The following PAH variants were observed in gnomAD, a reference collection of about 807,000 sequenced individuals.
PAH encodes the protein phenylalanine hydroxylase, also known as phenylalanine-4-hydroxylase.
A neutral mutation model predicts 62.0 loss-of-function variants in PAH; 64 were observed. The observed-to-expected ratio is 1.03, with a 90% CI of 0.84 to 1.27. The LOEUF (loss-of-function observed/expected upper bound fraction) is 1.27, where lower values mean the gene tolerates loss of function less well. Ranked by LOEUF, PAH falls within the 50% of genes most tolerant of loss-of-function variation. The probability of loss-of-function intolerance (pLI) is 0.00; values close to 1 mark genes in which losing one functional copy is unlikely to be tolerated. For missense variants in PAH, 579 were observed against 542.8 expected (o/e 1.07, Z -0.66); for synonymous variants, 195 against 196.2 (o/e 0.99, Z 0.05).
At chr12:102,891,215 T>C (rs937814344) in intron 3 of PAH, among the ~76,000 whole-genome samples, 1 of 152,230 alleles carries the variant, frequency 6.6e-6, no homozygotes, top group Admixed American at 6.5e-5. Context: ...TCTACTTACC[T>C]GGGTGTGTCT....
At chr12:102,886,590 T>A (rs948796014) in intron 3 of PAH, among the ~76,000 whole-genome samples, 2 of 152,076 alleles carry the variant, frequency 1.3e-5, no homozygotes, top group Non-Finnish European at 2.9e-5. Flanking sequence ...TCAAGCAACA[T>A]TGGGTCAAAC....
At chr12:102,919,501 A>T (rs1253226773), upstream of PAH, among the ~76,000 whole-genome samples, 1 of 152,154 alleles carries the variant, frequency 6.6e-6, no homozygotes, top group Non-Finnish European at 1.5e-5. Context: ...TATTTTGACT[A>T]TATTCGCCCT....
At chr12:102,911,719 C>T (rs916747289) in intron 2 of PAH, among the ~76,000 whole-genome samples, 1 of 152,296 alleles carries the variant, frequency 6.6e-6, no homozygotes, top group South Asian at 2.1e-4. Context: ...TTCCTCCCCA[C>T]CCACAGTGCT....
In PAH at chr12:102,894,868, C is replaced by A; in HGVS notation, c.219G>T (p.Lys73Asn). ...THIESRPSRL[K>N]KDEYEFFTHL... ...GGGTGAAAAATTCATACTCATCTTT[C>A]TTTAAACGAGAAGGTCTAGATTCAA... The change falls in exon 3 of 13, where the codon AAG becomes AAT. Residue 73 changes from lysine to asparagine, a missense_variant. By Grantham distance (94) the Lys-to-Asn change is moderately conservative. Transcript: ENST00000553106. The A allele has an allele frequency of 6.2e-7, 1 of 1,613,812 alleles. No homozygotes were observed. Among genetic ancestry groups the A allele is most frequent in the Non-Finnish European group, 8.5e-7 (1 of 1,179,834 alleles).
At chr12:102,843,932 T>C (rs1362846432) in intron 10 of PAH, among the ~76,000 whole-genome samples, 153 bp from the exon 11 acceptor site, 6 of 152,136 alleles carry the variant, frequency 3.9e-5, no homozygotes, top group Non-Finnish European at 7.4e-5. Flanking sequence ...ACTTTGCACA[T>C]ACTAGGTTCT....
At chr12:102,902,607 G>T (rs1187692585) in intron 2 of PAH, among the ~76,000 whole-genome samples, 2 of 152,180 alleles carry the variant, frequency 1.3e-5, no homozygotes, top group Non-Finnish European at 2.9e-5. Context: ...CAATGCCCCA[G>T]TTGACCAACA....
At chr12:102,884,844 C>A (rs1048699432) in intron 3 of PAH, among the ~76,000 whole-genome samples, 1 of 152,154 alleles carries the variant, frequency 6.6e-6, no homozygotes, top group African/African-American at 2.4e-5. Context: ...TATTATGCAC[C>A]AGATACTGTG....
intron 2 of PAH, among the ~76,000 whole-genome samples, chr12:102,904,957 A>G (rs900194743): frequency 6.6e-6 from 1 of 152,228 alleles, no homozygotes; most frequent in Non-Finnish European, 1.5e-5. Flanking sequence ...TTTCATTAAA[A>G]CAAAAAACAA....
At chr12:102,852,753 T>C (rs1875211671) in intron 7 of PAH, 62 bp downstream of exon 7, 1 of 1,609,712 alleles carries the variant, frequency 6.2e-7, no homozygotes, top group African/African-American at 1.3e-5. Context: ...ACCTCATTCT[T>C]GCAGCAGGAA....
At chr12:102,932,260 C>A (rs1029005395) in intron 1 of PAH, among the ~76,000 whole-genome samples, 3 of 152,196 alleles carry the variant, frequency 2.0e-5, no homozygotes, top group African/African-American at 7.2e-5. Context: ...TCCCACTGTG[C>A]CCTTCTTATA....
At chr12:102,876,041 T>G (rs1305726643) in intron 4 of PAH, among the ~76,000 whole-genome samples, 1 of 91,292 alleles carries the variant, frequency 1.1e-5, no homozygotes, top group Non-Finnish European at 2.2e-5. Flanking sequence ...TAATAGGTGA[T>G]TTTTTTTTTT....
At chr12:102,860,062 T>C (rs1875646652) in intron 5 of PAH, among the ~76,000 whole-genome samples, 1 of 152,316 alleles carries the variant, frequency 6.6e-6, no homozygotes, top group East Asian at 1.9e-4. Flanking sequence ...GATGACATGA[T>C]TGTATATTTA....
At chr12:102,895,958 C>T (rs1877488761) in intron 2 of PAH, among the ~76,000 whole-genome samples, 2 of 151,080 alleles carry the variant, frequency 1.3e-5, no homozygotes, top group South Asian at 4.2e-4. Context: ...CCAACAGTGG[C>T]CAATCATCCT....
chr12:102,938,420 G>A (rs1400661263), intron 1 of PAH, among the ~76,000 whole-genome samples: 4 of 152,144 alleles, frequency 2.6e-5, no homozygotes, highest in South Asian at 4.1e-4. Flanking sequence ...TGAGCACCCC[G>A]ACACCACCTG....
intron 5 of PAH, among the ~76,000 whole-genome samples, chr12:102,861,966 T>TAAAAAAAAAAAAA (rs71097947): frequency 7.8e-6 from 1 of 128,462 alleles, no homozygotes; most frequent in Admixed American, 7.9e-5. Context: ...ACTTAAAGTA[T>TAAAAAAAAAAAAA]AAAAAAAAAA....
intron 4 of PAH, among the ~76,000 whole-genome samples, chr12:102,866,865 T>G (rs1875997812): frequency 6.6e-6 from 1 of 152,214 alleles, no homozygotes; most frequent in African/African-American, 2.4e-5. Flanking sequence ...TTCTTTGATT[T>G]AGCATGAGCC....
intron 1 of PAH, among the ~76,000 whole-genome samples, chr12:102,933,117 TCAC>T (rs1878979005): frequency 6.6e-6 from 1 of 152,180 alleles, no homozygotes; most frequent in Admixed American, 6.5e-5. Context: ...ATCCACGCTT[TCAC>T]CACCACACTA....
intron 5 of PAH, 64 bp from the exon 6 acceptor site, chr12:102,855,396 G>C (rs1246964225): frequency 1.5e-6 from 2 of 1,331,204 alleles, no homozygotes; most frequent in East Asian, 4.7e-5. Context: ...CGCAGGTTAG[G>C]TTAGCAGAGG....
intron 1 of PAH, among the ~76,000 whole-genome samples, chr12:102,927,191 T>G (rs1055004945): frequency 2.6e-5 from 4 of 151,374 alleles, no homozygotes; most frequent in African/African-American, 9.7e-5. Flanking sequence ...AAATTCAAGG[T>G]GAAAGCTAGG....
Sources: allele counts gnomAD v4.1 joint callset (sites outside exome capture counted in the v4.1 genomes callset), GRCh38; gene constraint gnomAD v4.1.1; transcripts MANE v1.5; gene names NCBI Gene and HGNC (gene_info 2026-07-23, HGNC 2026-07-21).